RARB: variants seen among roughly 807,000 people sequenced by gnomAD.
RARB encodes retinoic acid receptor beta, also known as HBV-activated protein.
RARB carries 17 observed loss-of-function variants against 51.9 expected under a neutral mutation model. The observed-to-expected ratio is 0.33, with a 90% CI of 0.22 to 0.49. The LOEUF (loss-of-function observed/expected upper bound fraction) is 0.49. Among genes scored for constraint, RARB ranks in the 20% least tolerant of loss-of-function variants. RARB has a pLI of 0.99. For missense variants in RARB, 369 were observed against 550.8 expected (o/e 0.67, Z 3.30); for synonymous variants, 215 against 195.4 (o/e 1.10, Z -0.84).
At chr3:25,178,662 T>C (rs1700803806) in intron 5 of RARB, among the ~76,000 whole-genome samples, 1 of 152,168 alleles carries the variant, frequency 6.6e-6, no homozygotes, top group African/African-American at 2.4e-5. Flanking sequence ...AGATGATAGA[T>C]ATTTAAAGGA....
intron 5 of RARB, among the ~76,000 whole-genome samples, chr3:25,344,762 A>C (rs965442248): frequency 6.6e-6 from 1 of 152,324 alleles, no homozygotes; most frequent in Non-Finnish European, 1.5e-5. Flanking sequence ...TTTTGAAGCT[A>C]GTGTAACTCC....
intron 2 of RARB, 66 bp downstream of exon 2, chr3:25,461,407 C>T: frequency 6.5e-7 from 1 of 1,538,858 alleles, no homozygotes; most frequent in Non-Finnish European, 8.8e-7. Context: ...AGGTGACCTA[C>T]CCAGTTCCAA....
At chr3:24,868,891 T>C (rs937804808) in intron 2 of RARB, among the ~76,000 whole-genome samples, 7 of 152,276 alleles carry the variant, frequency 4.6e-5, no homozygotes, top group Non-Finnish European at 8.8e-5. Flanking sequence ...CAATGTACAC[T>C]TTATATGTAT....
At chr3:25,587,150 G>T (rs1438799617) in intron 5 of RARB, among the ~76,000 whole-genome samples, 1 of 152,210 alleles carries the variant, frequency 6.6e-6, no homozygotes, top group Non-Finnish European at 1.5e-5. Flanking sequence ...CATTCAGGTT[G>T]CTGGAATAAA....
At chr3:25,314,766 T>C (rs369560973) in intron 5 of RARB, among the ~76,000 whole-genome samples, 6 of 152,312 alleles carry the variant, frequency 3.9e-5, no homozygotes, top group African/African-American at 1.4e-4. Context: ...TGTGTGACAC[T>C]GAGGTTTGGG....
chr3:24,978,369 G>C (rs1696566135), intron 2 of RARB, among the ~76,000 whole-genome samples: 1 of 152,128 alleles, frequency 6.6e-6, no homozygotes, highest in African/African-American at 2.4e-5. Flanking sequence ...ATTTGGCTGT[G>C]AATCTGTCTG....
At chr3:24,960,728 T>C (rs17015534) in intron 2 of RARB, among the ~76,000 whole-genome samples, 2,001 of 151,868 alleles carry the variant, frequency 0.013, 43 homozygotes, top group African/African-American at 0.045. Flanking sequence ...GAAGAGAAAA[T>C]TGTAATTGCC....
chr3:25,017,217 C>CT (rs1049925906), intron 2 of RARB, among the ~76,000 whole-genome samples: 1 of 148,154 alleles, frequency 6.7e-6, no homozygotes, highest in African/African-American at 2.6e-5. Context: ...AGCTTTCCCC[C>CT]CCCCTTTCAG....
chr3:25,422,733 A>G lies in RARB; in HGVS notation c.179-38460A>G, dbSNP rs535384748. ...GATGAATAATATAATAAAAAGCCCTATTATTCTTCATGAGATACACAAGTT... is the reference window on the plus strand; with the variant it reads ...GATGAATAATATAATAAAAAGCCCTGTTATTCTTCATGAGATACACAAGTT... On this transcript the variant is annotated intron_variant, in intron 5 of 11. Coordinates refer to the RARB transcript ENST00000383772. Among the ~76,000 whole-genome samples the G allele has an allele frequency of 1.4e-4, 21 of 152,168 alleles. No individual in the cohort carries two copies. In the South Asian group the frequency reaches 4.0e-3, roughly 29 times the overall value.
intron 3 of RARB, among the ~76,000 whole-genome samples, chr3:25,131,579 T>A (rs1699954554): frequency 6.6e-6 from 1 of 151,986 alleles, no homozygotes. Flanking sequence ...TTCTCAAAGT[T>A]TCTCATTTGC....
intron 3 of RARB, among the ~76,000 whole-genome samples, chr3:25,548,642 C>CAAAA (rs35411774): frequency 5.7e-4 from 42 of 73,566 alleles, no homozygotes; most frequent in Non-Finnish European, 8.9e-4. Flanking sequence ...CCTCCCCCGA[C>CAAAA]AAAAAAAAAA....
intron 3 of RARB, among the ~76,000 whole-genome samples, chr3:25,536,894 A>G (rs1382410532): frequency 6.6e-6 from 1 of 152,198 alleles, no homozygotes; most frequent in East Asian, 1.9e-4. Flanking sequence ...TTTTCCAGTG[A>G]AATTTGGATT....
intron 2 of RARB, among the ~76,000 whole-genome samples, chr3:24,883,356 T>TTGTGTGTGTG (rs3057218): frequency 0.055 from 7,832 of 143,644 alleles, 290 homozygotes; most frequent in Non-Finnish European, 0.069. Flanking sequence ...TCAACAATCA[T>TTGTGTGTGTG]TGTGTGTGTG....
chr3:25,196,765 A>C (rs547747249), intron 5 of RARB, among the ~76,000 whole-genome samples: 18 of 152,164 alleles, frequency 1.2e-4, no homozygotes, highest in Admixed American at 4.6e-4. Context: ...CACCATTCTA[A>C]CTGGTGTGAG....
chr3:24,867,621 TG>T (rs754868921), intron 2 of RARB, among the ~76,000 whole-genome samples: 18 of 152,098 alleles, frequency 1.2e-4, no homozygotes, highest in Non-Finnish European at 2.5e-4. Flanking sequence ...TTTGGTCTCA[TG>T]GGAAGCAAAC....
At chr3:25,155,145 T>TC (rs1261181509) in intron 4 of RARB, among the ~76,000 whole-genome samples, 1 of 152,220 alleles carries the variant, frequency 6.6e-6, no homozygotes, top group Non-Finnish European at 1.5e-5. Flanking sequence ...AAATATTGCT[T>TC]CCCCAATATA....
At chr3:24,914,727 C>G (rs1695069800) in intron 2 of RARB, among the ~76,000 whole-genome samples, 1 of 152,128 alleles carries the variant, frequency 6.6e-6, no homozygotes, top group South Asian at 2.1e-4. Flanking sequence ...GTGTTCAGTA[C>G]AGGTACAACC....
At chr3:25,331,496 T>C (rs1704893665) in intron 5 of RARB, among the ~76,000 whole-genome samples, 1 of 152,136 alleles carries the variant, frequency 6.6e-6, no homozygotes, top group African/African-American at 2.4e-5. Context: ...AGACACAACA[T>C]ACCAGAATCT....
intron 2 of RARB, among the ~76,000 whole-genome samples, chr3:25,028,169 T>C (rs906278972): frequency 6.6e-6 from 1 of 152,212 alleles, no homozygotes; most frequent in Non-Finnish European, 1.5e-5. Context: ...AGACCAGCAA[T>C]GTCTCCTGGA....
Sources: allele counts gnomAD v4.1 joint callset (sites outside exome capture counted in the v4.1 genomes callset), GRCh38; gene constraint gnomAD v4.1.1; transcripts MANE v1.5; gene names NCBI Gene and HGNC (gene_info 2026-07-23, HGNC 2026-07-21).